Variants in SLC22A15 observed in about 807,000 individuals in gnomAD.
SLC22A15 encodes flipt 1.
A neutral mutation model predicts 62.7 loss-of-function variants in SLC22A15; 45 were observed. That is an observed-to-expected ratio of 0.72 (90% CI 0.56 to 0.92). SLC22A15 has a LOEUF of 0.92. Among genes scored for constraint, SLC22A15 ranks in the 40% least tolerant of loss-of-function variants. SLC22A15 has a pLI of 0.00. For synonymous variants in SLC22A15, 264 were observed against 267.0 expected (o/e 0.99, Z 0.11); for missense variants, 622 against 665.6 (o/e 0.93, Z 0.72).
intron 2 of SLC22A15, among the ~76,000 whole-genome samples, chr1:115,993,037 G>A (rs925801845): frequency 2.0e-5 from 3 of 152,156 alleles, no homozygotes; most frequent in African/African-American, 7.2e-5. Context: ...TTTCAAGGGG[G>A]CTTTGCTGGC....
At chr1:115,985,048 C>T (rs935178417) in intron 1 of SLC22A15, among the ~76,000 whole-genome samples, 7 of 152,014 alleles carry the variant, frequency 4.6e-5, no homozygotes, top group Non-Finnish European at 1.0e-4. Context: ...TAAATTTAGC[C>T]TAACTGTACA....
At chr1:115,999,664 C>T (rs1004365806) in intron 2 of SLC22A15, among the ~76,000 whole-genome samples, 14 of 151,836 alleles carry the variant, frequency 9.2e-5, no homozygotes, top group African/African-American at 2.9e-4. Context: ...CTACCATGCC[C>T]AGCTAATTTT....
At position 116,020,837 on chromosome 1, in the gene SLC22A15, T is replaced by C. The variant is rs563866111; in HGVS notation, c.550T>C (p.Phe184Leu). 13 of 1,613,384 alleles carry C rather than the reference T, an allele frequency of 8.1e-6. No homozygotes were observed. In the East Asian group the frequency reaches 2.7e-4, roughly 33 times the overall value. ...MMNGGMSLVA[F>L]VLLNECVGTA... ...GAATGGAGGGATGTCGCTGGTGGCC[T>C]TTGTCTTGCTTAATGAATGTGTGGG... Residue 184 changes from phenylalanine to leucine, a missense_variant, in exon 4 of 12, where the codon TTT (phenylalanine) becomes CTT (leucine). Physicochemically the swap from Phe to Leu is conservative, Grantham distance 22. Coordinates refer to ENST00000369503, the MANE Select transcript of SLC22A15 (RefSeq NM_018420.3).
intron 8 of SLC22A15, among the ~76,000 whole-genome samples, chr1:116,042,067 A>G (rs1657802914): frequency 1.4e-5 from 2 of 145,220 alleles, no homozygotes; most frequent in South Asian, 4.5e-4. Flanking sequence ...TAAAGGAACA[A>G]TAAAGTCCAG....
chr1:116,032,591 G>A (rs1312119248), intron 6 of SLC22A15: 14 of 985,240 alleles, frequency 1.4e-5, no homozygotes, highest in Non-Finnish European at 1.7e-5. Context: ...CCCAAGCAGT[G>A]GCTGCCACCT....
At chr1:115,998,335 A>G (rs1655527845) in intron 2 of SLC22A15, among the ~76,000 whole-genome samples, 1 of 151,892 alleles carries the variant, frequency 6.6e-6, no homozygotes, top group African/African-American at 2.4e-5. Context: ...CTCTTCCTCT[A>G]TTTTTTGGAG....
At chr1:116,060,733 G>A (rs1658360395) in intron 8 of SLC22A15, among the ~76,000 whole-genome samples, 1 of 152,148 alleles carries the variant, frequency 6.6e-6, no homozygotes, top group African/African-American at 2.4e-5. Flanking sequence ...TGAAAATGTT[G>A]TTAGATCTCA....
At chr1:116,009,344 T>C (rs1656134793) in intron 2 of SLC22A15, among the ~76,000 whole-genome samples, 1 of 141,050 alleles carries the variant, frequency 7.1e-6, no homozygotes, top group African/African-American at 3.2e-5. Context: ...TCACGCACTG[T>C]ACTTCTGCTT....
At chr1:116,050,542 C>G (rs1017626243) in intron 8 of SLC22A15, among the ~76,000 whole-genome samples, 17 of 152,000 alleles carry the variant, frequency 1.1e-4, no homozygotes, top group Admixed American at 7.9e-4. Context: ...ACCCAGCATC[C>G]CTTTATGATT....
rs1294629853 is a variant in SLC22A15 at position 116,067,104 on chromosome 1, A to G, written c.1640A>G (p.Lys547Arg). Reference protein sequence around the residue: ...YDADEETQMIK With the variant: ...YDADEETQMIR Reference sequence around the variant, plus strand: ...GCAGATGAAGAGACTCAGATGATCAAGTGAAGAGCCCCAGATTCCCCCTAA... The same window carrying G: ...GCAGATGAAGAGACTCAGATGATCAGGTGAAGAGCCCCAGATTCCCCCTAA... Residue 547 changes from lysine (K) to arginine (R), a missense_variant, in exon 12 of 12, where the codon AAG becomes AGG. By Grantham distance (26) the Lys-to-Arg change is conservative (BLOSUM62 2). Transcript: ENST00000369503. 3.7e-6 allele frequency: 6 copies of G among 1,610,016 alleles called. No individual in the cohort carries two copies. The highest frequency in any genetic ancestry group is 5.1e-6 in the Non-Finnish European group (6 of 1,178,174).
intron 1 of SLC22A15, among the ~76,000 whole-genome samples, chr1:115,979,713 G>T (rs1469615652): frequency 6.6e-6 from 1 of 152,164 alleles, no homozygotes; most frequent in Non-Finnish European, 1.5e-5. Context: ...TGGAGGAGGA[G>T]GGTTGGAATA....
At position 116,067,211 on chromosome 1, in the gene SLC22A15, G is replaced by C; in HGVS notation, c.*103G>C. On this transcript the variant is annotated 3_prime_UTR_variant, in exon 12 of 12. Transcript: ENST00000369503. ...AAGAGAGTTGTAAAAATAGAGGCTTGGCTTGAATGTACATAGATGGTACCT... is the reference window on the plus strand; with the variant it reads ...AAGAGAGTTGTAAAAATAGAGGCTTCGCTTGAATGTACATAGATGGTACCT... 1 of 862,998 alleles carries C rather than the reference G, an allele frequency of 1.2e-6. No homozygotes were observed. The highest frequency in any genetic ancestry group is 1.9e-6 in the Non-Finnish European group (1 of 532,784). 53.5% of individuals were successfully genotyped at this position (862,998 alleles called of 1,614,324 possible).
chr1:115,983,320 C>T (rs1654701378), intron 1 of SLC22A15, among the ~76,000 whole-genome samples: 1 of 152,146 alleles, frequency 6.6e-6, no homozygotes, highest in African/African-American at 2.4e-5. Flanking sequence ...GACAAACGCA[C>T]ATGTACTTGC....
chr1:116,031,614 T>G lies in SLC22A15; in HGVS notation c.944+33T>G, dbSNP rs759211300. ...TACTAAGGCGTGTTCTGTTGCTCTT[T>G]AACTAAGGTTGCTCGAGCTTCTCTT... is the stretch of plus-strand genomic sequence containing the variant. On this transcript the variant is annotated intron_variant, in intron 6 of 11. Transcript: ENST00000369503. 14 of 1,607,814 alleles carry G rather than the reference T, an allele frequency of 8.7e-6. 1 individual carries two copies. The South Asian group carries it at 1.5e-4, about 18-fold the overall frequency.
chr1:116,045,050 T>G (rs115243734), intron 8 of SLC22A15, among the ~76,000 whole-genome samples: 3,618 of 152,142 alleles, frequency 0.024, 143 homozygotes, highest in African/African-American at 0.083. Flanking sequence ...ACTAAAACTT[T>G]TTTTCTTTTG....
chr1:116,044,671 A>C (rs1232876197), intron 8 of SLC22A15, among the ~76,000 whole-genome samples: 1 of 152,248 alleles, frequency 6.6e-6, no homozygotes, highest in Non-Finnish European at 1.5e-5. Flanking sequence ...GAAATCTGTA[A>C]GAATTAATAG....
chr1:116,045,754 A>AAG (rs1397740248), intron 8 of SLC22A15, among the ~76,000 whole-genome samples: 1 of 151,576 alleles, frequency 6.6e-6, no homozygotes, highest in Non-Finnish European at 1.5e-5. Context: ...AAAAAAAAAA[A>AAG]AAAGACTTAT....
In SLC22A15 at chr1:116,067,289, GAC is replaced by G; in HGVS notation, c.*183_*184del. ...AAGTTGGAGAAGAGATTTCATGAAA[GAC>G]AACATCACTGCATTGAGAGAATAGT... On this transcript the variant is annotated 3_prime_UTR_variant, in exon 12 of 12. Transcript: ENST00000369503. The G allele has an allele frequency of 1.7e-6, 1 of 586,254 alleles. No homozygotes were observed. The highest frequency in any genetic ancestry group is 3.0e-5 in the Admixed American group (1 of 33,398). The allele number at this position is 586,254 out of a possible 1,614,324, so 36.3% of individuals were successfully genotyped here. A position where few individuals can be genotyped will look rare whatever the true frequency, so the allele number is the denominator to read the frequency against.
chr1:116,063,839 C>A (rs543901006), intron 9 of SLC22A15, among the ~76,000 whole-genome samples: 1 of 152,290 alleles, frequency 6.6e-6, no homozygotes, highest in Admixed American at 6.5e-5. Context: ...CTCTCCCTCC[C>A]TCCCTCTCTC....
Sources: allele counts gnomAD v4.1 joint callset (sites outside exome capture counted in the v4.1 genomes callset), GRCh38; gene constraint gnomAD v4.1.1; transcripts MANE v1.5; gene names NCBI Gene and HGNC (gene_info 2026-07-23, HGNC 2026-07-21).